The following RBFOX3 variants were observed in gnomAD, a reference collection of about 807,000 sequenced individuals.
The protein encoded by RBFOX3 is RNA binding fox-1 homolog 3, also known as RNA binding protein fox-1 homolog 3.
In RBFOX3, 17 loss-of-function variants were observed where a neutral mutation model predicts 48.7. The ratio of observed to expected loss-of-function variants is 0.35; its 90% CI spans 0.24 to 0.52. RBFOX3 has a LOEUF of 0.52. Among genes scored for constraint, RBFOX3 ranks in the 20% least tolerant of loss-of-function variants. The probability of loss-of-function intolerance (pLI) is 0.94; values close to 1 mark genes in which losing one functional copy is unlikely to be tolerated. For synonymous variants in RBFOX3, 212 were observed against 209.5 expected (o/e 1.01, Z -0.10); for missense variants, 382 against 497.5 (o/e 0.77, Z 2.21).
chr17:79,289,220 G>A lies in RBFOX3; in HGVS notation c.-74+18504C>T, dbSNP rs538439939. Among the ~76,000 whole-genome samples the A allele has an allele frequency of 6.6e-5, 10 of 152,306 alleles. No homozygotes were observed. In the South Asian group the frequency reaches 1.7e-3, roughly 25 times the overall value. On this transcript the variant is annotated intron_variant, in intron 3 of 14. Transcript: ENST00000693108. Reference sequence around the variant, plus strand: ...CACGTCGTAGTCTCAGGCCCGAGTCGGCGGGTTAGGTGTGGCAAGAGCCAT... The same window carrying A: ...CACGTCGTAGTCTCAGGCCCGAGTCAGCGGGTTAGGTGTGGCAAGAGCCAT...
At chr17:79,540,937 G>A (rs1044254308) in intron 1 of RBFOX3, among the ~76,000 whole-genome samples, 1 of 152,046 alleles carries the variant, frequency 6.6e-6, no homozygotes, top group African/African-American at 2.4e-5. Flanking sequence ...GTTCCTTCTC[G>A]CCCCTCTTCT....
chr17:79,593,741 G>A (rs1178778154), intron 1 of RBFOX3, among the ~76,000 whole-genome samples: 6 of 152,322 alleles, frequency 3.9e-5, no homozygotes, highest in East Asian at 1.9e-4. Flanking sequence ...GGGGAGCGAC[G>A]GAACCCGATG....
At chr17:79,446,310 C>A (rs531658332) in intron 2 of RBFOX3, among the ~76,000 whole-genome samples, 1 of 152,218 alleles carries the variant, frequency 6.6e-6, no homozygotes, top group Non-Finnish European at 1.5e-5. Flanking sequence ...CTAAGCAGGA[C>A]ATGGCTGCCT....
chr17:79,258,576 G>A (rs1168996090), intron 3 of RBFOX3, among the ~76,000 whole-genome samples: 1 of 152,226 alleles, frequency 6.6e-6, no homozygotes, highest in Admixed American at 6.5e-5. Context: ...ACACTCAGGG[G>A]TCAGATCCTG....
At chr17:79,335,391 G>A (rs748570799) in intron 2 of RBFOX3, among the ~76,000 whole-genome samples, 3 of 152,210 alleles carry the variant, frequency 2.0e-5, no homozygotes, top group East Asian at 3.8e-4. Flanking sequence ...GTGTATATAT[G>A]TATGTATATG....
chr17:79,593,838 C>T lies in RBFOX3; in HGVS notation c.-320+16988G>A, dbSNP rs1486630741. Among the ~76,000 whole-genome samples the T allele has an allele frequency of 1.3e-5, 2 of 152,112 alleles. 1 individual carries two copies. The highest frequency in any genetic ancestry group is 3.9e-4 in the East Asian group (2 of 5,182). ...CGTCTGTTCTCCCTGCTCCCAAGGG[C>T]CAGGAGAGGAAATTGAGAGAGTATG... On this transcript the variant is annotated intron_variant, in intron 1 of 14. Transcript: ENST00000693108.
the RBFOX3 span, among the ~76,000 whole-genome samples, chr17:79,637,722 C>CGAAGG: frequency 9.6e-6 from 1 of 104,542 alleles, no homozygotes; most frequent in Admixed American, 1.1e-4. Flanking sequence ...GGAGCGAAGG[C>CGAAGG]GAAGGGAAGG....
chr17:79,137,465 C>T (rs138905266), intron 4 of RBFOX3, among the ~76,000 whole-genome samples: 1,728 of 152,310 alleles, frequency 0.011, 15 homozygotes, highest in South Asian at 0.026. Context: ...ACGCCTTACC[C>T]GACCCCTCCA....
At chr17:79,400,598 G>T (rs2062665878) in intron 2 of RBFOX3, among the ~76,000 whole-genome samples, 1 of 151,682 alleles carries the variant, frequency 6.6e-6, no homozygotes, top group African/African-American at 2.4e-5. Flanking sequence ...AGGTGTTGGG[G>T]GTGGGTGAAG....
chr17:79,628,143 TC>T, the RBFOX3 span, among the ~76,000 whole-genome samples: 1 of 150,480 alleles, frequency 6.6e-6, no homozygotes, highest in African/African-American at 2.5e-5. Flanking sequence ...GACCCCCAAC[TC>T]CAAACAAACA....
At chr17:79,166,321 C>A (rs2048006412) in intron 4 of RBFOX3, among the ~76,000 whole-genome samples, 1 of 152,210 alleles carries the variant, frequency 6.6e-6, no homozygotes, top group Non-Finnish European at 1.5e-5. Context: ...GAGGCCCGGG[C>A]AGTTGTGGGG....
At chr17:79,146,281 C>T (rs1191540125) in intron 4 of RBFOX3, among the ~76,000 whole-genome samples, 1 of 152,196 alleles carries the variant, frequency 6.6e-6, no homozygotes, top group African/African-American at 2.4e-5. Flanking sequence ...AGAGATGCTG[C>T]TCCACCTCCT....
chr17:79,200,092 G>A (rs1043217696), intron 4 of RBFOX3, among the ~76,000 whole-genome samples: 10 of 149,606 alleles, frequency 6.7e-5, no homozygotes, highest in African/African-American at 2.4e-4. Flanking sequence ...GAACCCGGAA[G>A]GCAGAGGTTG....
Position 79,471,365 on chromosome 17 carries a change from T to C in RBFOX3, c.-175+11089A>G, listed in dbSNP as rs1568308188. ...CAGGGCCGGGCAAAATACTAAATAATTCAAAAATCATGATGACCTTGCCTT... is the reference window on the plus strand; with the variant it reads ...CAGGGCCGGGCAAAATACTAAATAACTCAAAAATCATGATGACCTTGCCTT... On this transcript the variant is annotated intron_variant, in intron 2 of 14. Transcript: ENST00000693108. The surrounding 1 kb of genome is among the most constrained non-coding windows in gnomAD (Gnocchi z 4.0). 6.6e-6 allele frequency among the ~76,000 whole-genome samples: 1 copy of C among 152,144 alleles called. No individual in the cohort carries two copies. Among genetic ancestry groups the C allele is most frequent in the Non-Finnish European group, 1.5e-5 (1 of 68,034 alleles).
Position 79,482,061 on chromosome 17 carries a change from G to A in RBFOX3, c.-175+393C>T, listed in dbSNP as rs367856957. 2.6e-3 allele frequency among the ~76,000 whole-genome samples: 397 copies of A among 152,248 alleles called. 8 individuals are homozygous for A. The South Asian group carries it at 0.039, about 15-fold the overall frequency. Reference sequence around the variant, plus strand: ...AAGGCTTCAGGGCCCTCCCTGAGCCGCGGAGCAATCTGGGCAGCAGAACAC... The same window carrying A: ...AAGGCTTCAGGGCCCTCCCTGAGCCACGGAGCAATCTGGGCAGCAGAACAC... On this transcript the variant is annotated intron_variant, in intron 2 of 14. Transcript: ENST00000693108. The surrounding 1 kb of genome is among the most constrained non-coding windows in gnomAD (Gnocchi z 4.1).
At chr17:79,467,365 G>T (rs2076455764) in intron 2 of RBFOX3, among the ~76,000 whole-genome samples, 1 of 152,206 alleles carries the variant, frequency 6.6e-6, no homozygotes, top group Admixed American at 6.5e-5. Context: ...GCAGAGCGGG[G>T]AGGAGGGAGA....
intron 3 of RBFOX3, among the ~76,000 whole-genome samples, chr17:79,272,248 G>A (rs2067868401): frequency 1.3e-5 from 2 of 152,150 alleles, no homozygotes; most frequent in Admixed American, 6.5e-5. Context: ...GGCTGGGGGC[G>A]GGGGGCTCTG....
At position 79,362,489 on chromosome 17, in the gene RBFOX3, G is replaced by A. The variant is rs2086566483; in HGVS notation, c.-174-54665C>T. 6.6e-6 allele frequency among the ~76,000 whole-genome samples: 1 copy of A among 152,232 alleles called. No individual in the cohort carries two copies. Among genetic ancestry groups the A allele is most frequent in the Non-Finnish European group, 1.5e-5 (1 of 68,040 alleles). ...GTGGAAGGCCACCTGCGCTGGGCCTGGATGGCACTAGGCTGAGGGGAGCAG... is the reference window on the plus strand; with the variant it reads ...GTGGAAGGCCACCTGCGCTGGGCCTAGATGGCACTAGGCTGAGGGGAGCAG... On this transcript the variant is annotated intron_variant, in intron 2 of 14. Transcript: ENST00000693108. This position sits in a 1 kb window ranked among gnomAD's most constrained non-coding sequence, Gnocchi z 4.2.
chr17:79,315,775 G>T (rs1384135667), intron 2 of RBFOX3, among the ~76,000 whole-genome samples: 2 of 152,260 alleles, frequency 1.3e-5, no homozygotes, highest in African/African-American at 4.8e-5. Flanking sequence ...TGAGGGCCTT[G>T]CTTGCAATGA....
Sources: allele counts gnomAD v4.1 joint callset (sites outside exome capture counted in the v4.1 genomes callset), GRCh38; gene constraint gnomAD v4.1.1; non-coding constraint Gnocchi (gnomAD v3.1); transcripts MANE v1.5; gene names NCBI Gene and HGNC (gene_info 2026-07-23, HGNC 2026-07-21).